C9: variants seen among roughly 807,000 people sequenced by gnomAD.
C9 encodes the protein complement component C9.
Under a neutral mutation model 65.4 loss-of-function variants are expected in C9, and 63 were observed. The observed-to-expected ratio is 0.96, with a 90% CI of 0.79 to 1.19. The LOEUF (loss-of-function observed/expected upper bound fraction) is 1.19. Among genes scored for constraint, C9 ranks in the 50% most tolerant of loss-of-function variants. C9 has a pLI of 0.00. For synonymous variants in C9, 229 were observed against 227.9 expected, an observed-to-expected ratio of 1.00 and a Z score of -0.04; for missense variants, 744 against 670.1, an observed-to-expected ratio of 1.11 and a Z score of -1.22.
intron 4 of C9, among the ~76,000 whole-genome samples, chr5:39,334,683 G>C (rs1237316346): frequency 6.6e-6 from 1 of 151,234 alleles, no homozygotes; most frequent in Non-Finnish European, 1.5e-5. Context: ...CGCCCAGTCC[G>C]GGAGGGAGGT....
At chr5:39,350,086 T>A (rs1042673644) in intron 1 of C9, among the ~76,000 whole-genome samples, 3 of 152,136 alleles carry the variant, frequency 2.0e-5, no homozygotes, top group Non-Finnish European at 2.9e-5. Context: ...ATGGGAGGCA[T>A]GACTGGGAAG....
chr5:39,309,390 CA>C (rs771728100), intron 7 of C9, among the ~76,000 whole-genome samples: 9 of 152,020 alleles, frequency 5.9e-5, no homozygotes, highest in African/African-American at 1.4e-4. Context: ...CAAGGAGTAT[CA>C]GGGGTAGACA....
chr5:39,334,463 C>T (rs988634199), intron 4 of C9, among the ~76,000 whole-genome samples: 12 of 150,940 alleles, frequency 8.0e-5, no homozygotes, highest in Admixed American at 3.3e-4. Flanking sequence ...TGGCTGACAC[C>T]CCATCTGGGA....
chr5:39,353,201 C>T (rs1754354118), intron 1 of C9, among the ~76,000 whole-genome samples: 1 of 152,192 alleles, frequency 6.6e-6, no homozygotes, highest in African/African-American at 2.4e-5. Flanking sequence ...TTCTTTAGAG[C>T]CTCCAGAAAG....
intron 5 of C9, among the ~76,000 whole-genome samples, chr5:39,324,358 C>T (rs77634040): frequency 0.018 from 2,675 of 152,098 alleles, 82 homozygotes; most frequent in African/African-American, 0.06. Flanking sequence ...ATGGCCAAAG[C>T]AATCTTGAGA....
intron 5 of C9, among the ~76,000 whole-genome samples, chr5:39,330,972 C>G (rs560956215): frequency 1.2e-3 from 187 of 152,312 alleles, no homozygotes; most frequent in South Asian, 8.1e-3. Flanking sequence ...TGTGGCTCTT[C>G]TTTACCAATG....
At chr5:39,352,821 T>C (rs1754345406) in intron 1 of C9, among the ~76,000 whole-genome samples, 1 of 151,456 alleles carries the variant, frequency 6.6e-6, no homozygotes, top group Admixed American at 6.6e-5. Context: ...ACCACTCTTG[T>C]GATGAAGTCT....
chr5:39,288,801 C>T lies in C9; in HGVS notation c.1567G>A (p.Asp523Asn), dbSNP rs981293200. The T allele has an allele frequency of 1.2e-6, 2 of 1,612,334 alleles. No individual in the cohort carries two copies. The highest frequency in any genetic ancestry group is 1.3e-5 in the African/African-American group (1 of 74,788). The change falls in exon 10 of 11, where the codon GAT becomes AAT. Residue 523 changes from aspartate to asparagine, a missense_variant. Coordinates refer to ENST00000263408, the MANE Select transcript of C9 (RefSeq NM_001737.5). Reference protein sequence around the residue: ...CQNGGTVILMDGKCLCACPFK... With the variant: ...CQNGGTVILMNGKCLCACPFK... ...GGGCAGGCACACAAACACTTTCCAT[C>T]CATTAGAATCACTGTACCTCCATTT...
In C9 at chr5:39,352,108, A is replaced by G. The variant is rs1754334297; in HGVS notation, c.78-9912T>C. ...GAAGGGGAAGCAAGCACATCTTCAC[A>G]TAGTGGCAGGAGACAGAGAGTGAAG... On this transcript the variant is annotated intron_variant, in intron 1 of 10. Coordinates refer to ENST00000263408, the MANE Select transcript of C9 (RefSeq NM_001737.5). Among the ~76,000 whole-genome samples, 2 of 152,224 alleles carry G rather than the reference A, an allele frequency of 1.3e-5. 1 individual carries two copies. The highest frequency in any genetic ancestry group is 4.1e-4 in the South Asian group (2 of 4,834).
intron 4 of C9, 116 bp from the exon 5 acceptor site, chr5:39,331,930 T>C (rs1753849394): frequency 2.3e-6 from 2 of 875,916 alleles, no homozygotes; most frequent in East Asian, 2.4e-5. Context: ...ACCCAATATG[T>C]GTGTGCTATA....
At chr5:39,328,452 T>C (rs16868638) in intron 5 of C9, among the ~76,000 whole-genome samples, 4,566 of 152,296 alleles carry the variant, frequency 0.03, 210 homozygotes, top group African/African-American at 0.1. Context: ...TAATGCTAGC[T>C]GTTTTTGTGT....
chr5:39,338,643 G>A (rs999613855), intron 4 of C9, among the ~76,000 whole-genome samples: 6 of 152,160 alleles, frequency 3.9e-5, no homozygotes, highest in African/African-American at 1.4e-4. Flanking sequence ...AAAAAATGTT[G>A]ATGGACTGAT....
chr5:39,309,370 T>C (rs569897865), intron 7 of C9, among the ~76,000 whole-genome samples: 1 of 152,186 alleles, frequency 6.6e-6, no homozygotes, highest in South Asian at 2.1e-4. Context: ...AGGTTAATCA[T>C]GGGGTTCTAC....
At chr5:39,306,510 G>C (rs1171569636) in intron 9 of C9, 107 bp downstream of exon 9, 2 of 907,586 alleles carry the variant, frequency 2.2e-6, no homozygotes, top group Admixed American at 3.7e-5. Context: ...GAGTGTATCT[G>C]AATGTTCACG....
At chr5:39,336,917 T>A (rs766281588) in intron 4 of C9, among the ~76,000 whole-genome samples, 3 of 152,148 alleles carry the variant, frequency 2.0e-5, no homozygotes, top group Non-Finnish European at 2.9e-5. Context: ...ATAAAAAGAA[T>A]TAGAGATCAC....
At chr5:39,308,149 G>A in intron 8 of C9, 81 bp downstream of exon 8, 3 of 1,249,696 alleles carry the variant, frequency 2.4e-6, no homozygotes, top group East Asian at 2.3e-5. Flanking sequence ...AGACAATTAA[G>A]AGGGCTCATT....
At position 39,288,898 on chromosome 5, in the gene C9, C is replaced by G. The variant is rs751833934; in HGVS notation, c.1470G>C (p.Lys490Asn). 6.2e-7 allele frequency: 1 copy of G among 1,611,678 alleles called. No homozygotes were observed. Among genetic ancestry groups the G allele is most frequent in the South Asian group, 1.1e-5 (1 of 91,020 alleles). The change falls in exon 10 of 11, where the codon AAG becomes AAC. Residue 490 changes from lysine (K) to asparagine (N), a missense_variant. Lys to Asn is a moderately conservative substitution (Grantham distance 94). Transcript: ENST00000263408. ...VPVKMKNAHLKKQNLERAIED... is the reference protein window; with the variant it reads ...VPVKMKNAHLNKQNLERAIED... ...CAATGGCTCTTTCCAAGTTTTGTTT[C>G]TTTAGGTGTGCATTTTTCATTTTCA...
At position 39,311,361 on chromosome 5, in the gene C9, T is replaced by A. The variant is rs752982960; in HGVS notation, c.887A>T (p.His296Leu). The A allele has an allele frequency of 5.0e-6, 8 of 1,612,102 alleles. No individual in the cohort carries two copies. Among genetic ancestry groups the A allele is most frequent in the Non-Finnish European group, 6.8e-6 (8 of 1,178,806 alleles). The change falls in exon 7 of 11, where the codon CAT (histidine) becomes CTT (leucine). Residue 296 changes from histidine (H) to leucine (L), a missense_variant. Transcript: ENST00000263408. Reference sequence around the variant, plus strand: ...TCCCAGATGAATTTCTCCTTTCACATGCAGAAACATTTTTTCCTGTGTTGT... The same window carrying A: ...TCCCAGATGAATTTCTCCTTTCACAAGCAGAAACATTTTTTCCTGTGTTGT... ...YSSKKEKMFL[H>L]VKGEIHLGRF...
At chr5:39,298,631 A>G (rs1579842067) in intron 9 of C9, among the ~76,000 whole-genome samples, 1 of 151,750 alleles carries the variant, frequency 6.6e-6, no homozygotes, top group East Asian at 1.9e-4. Context: ...TTTCTAACAA[A>G]GAAGGCCTAG....
Sources: allele counts gnomAD v4.1 joint callset (sites outside exome capture counted in the v4.1 genomes callset), GRCh38; gene constraint gnomAD v4.1.1; transcripts MANE v1.5; gene names NCBI Gene and HGNC (gene_info 2026-07-23, HGNC 2026-07-21).